The following CCDC30 variants were observed in gnomAD, a reference collection of about 807,000 sequenced individuals.
CCDC30 encodes the protein coiled-coil domain-containing protein 30.
CCDC30 carries 70 observed loss-of-function variants against 100.2 expected under a neutral mutation model. The observed-to-expected ratio is 0.70, with a 90% CI of 0.58 to 0.85. The LOEUF is 0.85. Ranked by LOEUF, CCDC30 falls within the 40% of genes least tolerant of loss-of-function variation. The pLI, the probability that CCDC30 is intolerant of heterozygous loss-of-function variation, is 0.00. For missense variants in CCDC30, 652 were observed against 771.2 expected (o/e 0.85, Z 1.83); for synonymous variants, 233 against 269.5 (o/e 0.86, Z 1.33).
chr1:42,618,688 C>T (rs1646773349), intron 11 of CCDC30, among the ~76,000 whole-genome samples: 1 of 152,150 alleles, frequency 6.6e-6, no homozygotes, highest in Non-Finnish European at 1.5e-5. Flanking sequence ...AAAGTACATG[C>T]CTATATTATG....
intron 8 of CCDC30, among the ~76,000 whole-genome samples, chr1:42,579,722 C>T (rs1645922517): frequency 2.0e-5 from 3 of 151,618 alleles, no homozygotes. Context: ...GGACTATTAG[C>T]ATGGTGGCTC....
rs776412637 is a variant in CCDC30, at chr1:42,538,149, CAAAAAAAAAAAAAA to C, written c.457-28129_457-28116del. Among the ~76,000 whole-genome samples, 29 of 82,356 alleles carry C rather than the reference CAAAAAAAAAAAAAA, an allele frequency of 3.5e-4. 1 individual carries two copies. The highest frequency in any genetic ancestry group is 7.2e-4 in the African/African-American group (11 of 15,224). The allele number at this position is 82,356 out of a possible 152,430, so 54.0% of individuals were successfully genotyped here. ...GCAACATAGTGGGACACTGTCTCCA[CAAAAAAAAAAAAAA>C]AAAAAAAAAAAAAAAAATTAGCCAG... On this transcript the variant is annotated intron_variant, in intron 6 of 16. Coordinates refer to ENST00000668663, the Ensembl canonical transcript of CCDC30.
At chr1:42,505,266 G>T (rs1557811887) in intron 6 of CCDC30, among the ~76,000 whole-genome samples, 1 of 152,084 alleles carries the variant, frequency 6.6e-6, no homozygotes, top group Non-Finnish European at 1.5e-5. Context: ...GGCAGGATTT[G>T]CAGGATAATT....
intron 6 of CCDC30, among the ~76,000 whole-genome samples, chr1:42,511,901 G>A (rs1055235905): frequency 6.6e-6 from 1 of 152,132 alleles, no homozygotes; most frequent in Non-Finnish European, 1.5e-5. Flanking sequence ...GACACACACA[G>A]AAATATAGAG....
chr1:42,587,064 C>T (rs1477692288), intron 9 of CCDC30, among the ~76,000 whole-genome samples: 1 of 152,164 alleles, frequency 6.6e-6, no homozygotes, highest in Non-Finnish European at 1.5e-5. Flanking sequence ...GTAGTGCGAT[C>T]ACAGTTCACT....
At chr1:42,636,593 A>G (rs537655495) in intron 11 of CCDC30, among the ~76,000 whole-genome samples, 1 of 152,294 alleles carries the variant, frequency 6.6e-6, no homozygotes, top group Non-Finnish European at 1.5e-5. Flanking sequence ...GGGATAAAAA[A>G]TCAGTTATAC....
At chr1:42,637,254 A>T in exon 12 of CCDC30, 1 of 1,584,498 alleles carries the variant, frequency 6.3e-7, no homozygotes, top group Non-Finnish European at 8.5e-7. Flanking sequence ...AATGAGAAAC[A>T]TCACCAACAA....
chr1:42,479,986 C>G (rs1643932526), intron 1 of CCDC30, among the ~76,000 whole-genome samples: 1 of 152,144 alleles, frequency 6.6e-6, no homozygotes, highest in Middle Eastern at 3.2e-3. Flanking sequence ...GGGACTCTTT[C>G]TCTCTGGATG....
chr1:42,652,373 GAGTA>G (rs1279693132), intron 15 of CCDC30, among the ~76,000 whole-genome samples: 1 of 152,102 alleles, frequency 6.6e-6, no homozygotes, highest in Non-Finnish European at 1.5e-5. Flanking sequence ...TAGACCGGAG[GAGTA>G]AGTATTTGAG....
At chr1:42,548,401 G>A (rs1645185907) in intron 6 of CCDC30, among the ~76,000 whole-genome samples, 1 of 152,212 alleles carries the variant, frequency 6.6e-6, no homozygotes, top group African/African-American at 2.4e-5. Flanking sequence ...GCAGTGGAAA[G>A]ACAATGGGGT....
At chr1:42,655,757 A>G (rs769885925), downstream of CCDC30, among the ~76,000 whole-genome samples, 1 of 151,676 alleles carries the variant, frequency 6.6e-6, no homozygotes, top group Admixed American at 6.6e-5. Context: ...GATCAGCAAC[A>G]TTCACATCCA....
chr1:42,578,090 C>T (rs578119439), intron 8 of CCDC30, among the ~76,000 whole-genome samples: 9 of 151,990 alleles, frequency 5.9e-5, no homozygotes, highest in South Asian at 4.2e-4. Flanking sequence ...TTAGATTGCC[C>T]GACACTAGGT....
chr1:42,568,253 T>C (rs1250880477), intron 7 of CCDC30, among the ~76,000 whole-genome samples: 1 of 152,156 alleles, frequency 6.6e-6, no homozygotes, highest in Admixed American at 6.5e-5. Context: ...TTGCTGGGAT[T>C]ATAGGCGCAT....
At chr1:42,589,377 A>G in exon 10 of CCDC30, 1 of 1,613,902 alleles carries the variant, frequency 6.2e-7, no homozygotes, top group Non-Finnish European at 8.5e-7. Flanking sequence ...ACCTTACAAG[A>G]TAAAGAAAAT....
At chr1:42,606,371 G>A (rs554269055) in intron 10 of CCDC30, among the ~76,000 whole-genome samples, 33 of 152,198 alleles carry the variant, frequency 2.2e-4, no homozygotes, top group Non-Finnish European at 3.4e-4. Flanking sequence ...TCTGCTTCCC[G>A]GGTTCAAATG....
At chr1:42,545,307 A>G in intron 6 of CCDC30, 103 bp from the exon 9 acceptor site, 1 of 868,556 alleles carries the variant, frequency 1.2e-6, no homozygotes, top group Non-Finnish European at 1.7e-6. Context: ...TTTATATTAT[A>G]TAAGCCAATA....
intron 6 of CCDC30, among the ~76,000 whole-genome samples, chr1:42,553,490 T>TA (rs111339340): frequency 4.7e-5 from 7 of 149,918 alleles, no homozygotes; most frequent in Non-Finnish European, 7.4e-5. Flanking sequence ...TTTCTCCATT[T>TA]AAAAAAAAAA....
At chr1:42,526,416 C>T (rs1265579736) in intron 6 of CCDC30, among the ~76,000 whole-genome samples, 2 of 151,908 alleles carry the variant, frequency 1.3e-5, no homozygotes, top group African/African-American at 2.4e-5. Context: ...GTTTTCTTCT[C>T]GCTGAGTAAT....
At chr1:42,456,311 G>C in the CCDC30 span, 1 of 597,072 alleles carries the variant, frequency 1.7e-6, no homozygotes, top group Non-Finnish European at 2.9e-6. Flanking sequence ...CCCAGGCTAG[G>C]AAACGAACGT....
Sources: allele counts gnomAD v4.1 joint callset (sites outside exome capture counted in the v4.1 genomes callset), GRCh38; gene constraint gnomAD v4.1.1; transcripts MANE v1.5; gene names NCBI Gene and HGNC (gene_info 2026-07-23, HGNC 2026-07-21).